The following PPP1R9A variants were observed in gnomAD, a reference collection of about 807,000 sequenced individuals.
PPP1R9A encodes neurabin-1.
Under a neutral mutation model 141.9 loss-of-function variants are expected in PPP1R9A, and 59 were observed. That is an observed-to-expected ratio of 0.42 (90% CI 0.34 to 0.52). The LOEUF is 0.52. Ranked by LOEUF, PPP1R9A falls within the 20% of genes least tolerant of loss-of-function variation. The probability of loss-of-function intolerance (pLI) is 0.10; values close to 1 mark genes in which losing one functional copy is unlikely to be tolerated. For synonymous variants in PPP1R9A, 500 were observed against 569.7 expected (o/e 0.88, Z 1.74); for missense variants, 1,444 against 1,611.9 (o/e 0.90, Z 1.78).
chr7:95,072,972 TATA>T (rs1254912975), intron 2 of PPP1R9A, among the ~76,000 whole-genome samples: 4 of 131,834 alleles, frequency 3.0e-5, no homozygotes, highest in South Asian at 2.2e-4. Flanking sequence ...TTATATATAA[TATA>T]ATAATAATAT....
chr7:94,980,580 C>T (rs116362033), intron 2 of PPP1R9A, among the ~76,000 whole-genome samples: 1,750 of 150,848 alleles, frequency 0.012, 35 homozygotes, highest in African/African-American at 0.041. Flanking sequence ...GGACTACAGG[C>T]GCATGCTACC....
At chr7:95,164,723 T>G (rs1453161794) in intron 5 of PPP1R9A, among the ~76,000 whole-genome samples, 2 of 144,556 alleles carry the variant, frequency 1.4e-5, no homozygotes, top group Non-Finnish European at 3.0e-5. Context: ...ATTACCATGG[T>G]TTTTTTTCTT....
intron 5 of PPP1R9A, among the ~76,000 whole-genome samples, chr7:95,171,189 G>A (rs1832056712): frequency 6.6e-6 from 1 of 151,516 alleles, no homozygotes; most frequent in Non-Finnish European, 1.5e-5. Context: ...ATGAAGAGAT[G>A]TATAGAAAAC....
At chr7:95,262,582 C>T (rs927508760) in intron 12 of PPP1R9A, among the ~76,000 whole-genome samples, 1 of 152,088 alleles carries the variant, frequency 6.6e-6, no homozygotes, top group Admixed American at 6.5e-5. Flanking sequence ...AGAGTTGTTT[C>T]TGAGATATGG....
chr7:94,917,841 C>G (rs748112553), intron 2 of PPP1R9A, among the ~76,000 whole-genome samples: 2 of 152,148 alleles, frequency 1.3e-5, no homozygotes, highest in Non-Finnish European at 2.9e-5. Context: ...GTTATGTTAT[C>G]CATGTGTCGT....
At chr7:95,201,453 A>G (rs1463926094) in intron 6 of PPP1R9A, among the ~76,000 whole-genome samples, 2 of 152,200 alleles carry the variant, frequency 1.3e-5, no homozygotes, top group African/African-American at 4.8e-5. Flanking sequence ...AGGAGAGATG[A>G]AAGCTGTACA....
At chr7:95,288,801 G>C in intron 19 of PPP1R9A, 83 bp downstream of exon 19, 1 of 1,446,214 alleles carries the variant, frequency 6.9e-7, no homozygotes, top group Non-Finnish European at 9.4e-7. Context: ...TTAGGTAAGA[G>C]CATTCTGCAT....
intron 16 of PPP1R9A, among the ~76,000 whole-genome samples, chr7:95,277,150 A>G (rs577905318): frequency 2.0e-4 from 30 of 152,320 alleles, no homozygotes; most frequent in African/African-American, 7.0e-4. Context: ...TTATTAGGCT[A>G]AGATTCTGAT....
chr7:95,012,851 T>C (rs993883888), intron 2 of PPP1R9A, among the ~76,000 whole-genome samples: 2 of 152,206 alleles, frequency 1.3e-5, no homozygotes, highest in Non-Finnish European at 2.9e-5. Flanking sequence ...TATGGATTGA[T>C]TGGGCTGCCT....
chr7:94,910,579 A>G lies in PPP1R9A; in HGVS notation c.466A>G (p.Asn156Asp). The G allele has an allele frequency of 6.2e-7, 1 of 1,614,192 alleles. No homozygotes were observed. The highest frequency in any genetic ancestry group is 8.5e-7 in the Non-Finnish European group (1 of 1,180,042). ...GAGAAGTGTGCATGAATCAGGACAG[A>G]ACAACCGCTATTCCCCAAAGAAAGA... is the stretch of plus-strand genomic sequence containing the variant. ...FERSVHESGQ[N>D]NRYSPKKEKA... The change falls in exon 2 of 20, where the codon AAC becomes GAC. Residue 156 changes from asparagine (N) to aspartate (D), a missense_variant. By Grantham distance (23) the Asn-to-Asp change is conservative (BLOSUM62 1). Around this residue, in one of 5 missense-constraint regions of PPP1R9A, gnomAD observed 490 missense variants for 521.1 expected, o/e 0.94. Transcript: ENST00000433360. The surrounding 1 kb of genome is among the most constrained non-coding windows in gnomAD (Gnocchi z 4.5).
chr7:95,248,603 T>C (rs2153001459), intron 9 of PPP1R9A, among the ~76,000 whole-genome samples: 1 of 152,320 alleles, frequency 6.6e-6, no homozygotes, highest in East Asian at 1.9e-4. Flanking sequence ...TAGAAAGAAT[T>C]GAAGATTTTT....
chr7:95,250,585 C>T (rs1446883532), intron 10 of PPP1R9A, among the ~76,000 whole-genome samples: 2 of 152,160 alleles, frequency 1.3e-5, no homozygotes, highest in East Asian at 1.9e-4. Context: ...AGAAGCCCAG[C>T]GGAAAGTCAT....
Position 95,181,326 on chromosome 7 carries a change from T to G in PPP1R9A, c.1755-17023T>G, listed in dbSNP as rs1311417157. ...AGAGAGAATATATATAGAATATATA[T>G]ATAGAATATATAGAATATATATAGT... On this transcript the variant is annotated intron_variant, in intron 5 of 19. Coordinates refer to ENST00000433360, the MANE Select transcript of PPP1R9A (RefSeq NM_001166160.2). Among the ~76,000 whole-genome samples, 9 of 140,224 alleles carry G rather than the reference T, an allele frequency of 6.4e-5. No homozygotes were observed. The Admixed American group carries it at 6.8e-4, about 11-fold the overall frequency. 92.0% of individuals were successfully genotyped at this position (140,224 alleles called of 152,430 possible).
chr7:95,070,612 C>CATATATATATATATATATATATAT (rs1189594255), intron 2 of PPP1R9A, among the ~76,000 whole-genome samples: 76 of 79,842 alleles, frequency 9.5e-4, no homozygotes, highest in African/African-American at 3.0e-3. Context: ...TATATATATA[C>CATATATATATATATATATATATAT]ACACACACAC....
At chr7:94,915,831 T>C (rs1266733361) in intron 2 of PPP1R9A, among the ~76,000 whole-genome samples, 1 of 152,148 alleles carries the variant, frequency 6.6e-6, no homozygotes, top group Non-Finnish European at 1.5e-5. Context: ...GATACACACT[T>C]GTTCTGTTGA....
In PPP1R9A at chr7:94,930,703, T is replaced by G. The variant is rs192170386; in HGVS notation, c.1395+19195T>G. Among the ~76,000 whole-genome samples the G allele has an allele frequency of 1.1e-3, 166 of 152,162 alleles. 2 individuals carry two copies. The highest frequency in any genetic ancestry group is 4.3e-4 in the Non-Finnish European group (29 of 67,998). On this transcript the variant is annotated intron_variant, in intron 2 of 19. Transcript: ENST00000433360. ...AGTAAGTAACTCTGAGGAAAGCCAA[T>G]GGTATATGTGGATTGAGACTGGGGA...
At chr7:95,140,508 A>G (rs1826461105) in intron 4 of PPP1R9A, among the ~76,000 whole-genome samples, 1 of 151,986 alleles carries the variant, frequency 6.6e-6, no homozygotes, top group South Asian at 2.1e-4. Context: ...CTTTTGCCTC[A>G]GCTTCCCAAG....
chr7:95,047,600 A>G (rs1379399573), intron 2 of PPP1R9A, among the ~76,000 whole-genome samples: 2 of 152,304 alleles, frequency 1.3e-5, no homozygotes, highest in African/African-American at 4.8e-5. Flanking sequence ...GTCAGGTGGT[A>G]CCTTTGCTGA....
intron 2 of PPP1R9A, among the ~76,000 whole-genome samples, chr7:95,087,757 C>T (rs1470167915): frequency 6.6e-6 from 1 of 151,522 alleles, no homozygotes; most frequent in Admixed American, 6.6e-5. Flanking sequence ...TAGCTGGGTG[C>T]GGTGGCAGGC....
Sources: allele counts gnomAD v4.1 joint callset (sites outside exome capture counted in the v4.1 genomes callset), GRCh38; gene constraint gnomAD v4.1.1; regional missense constraint gnomAD v4.1.1; non-coding constraint Gnocchi (gnomAD v3.1); transcripts MANE v1.5; gene names NCBI Gene and HGNC (gene_info 2026-07-23, HGNC 2026-07-21).